Variants in FRMD5 observed in about 807,000 individuals in gnomAD.
FRMD5 encodes the protein FERM domain-containing protein 5.
Under a neutral mutation model 69.0 loss-of-function variants are expected in FRMD5, and 20 were observed. The observed-to-expected ratio is 0.29, with a 90% CI of 0.20 to 0.42. The LOEUF is 0.42. Ranked by LOEUF, FRMD5 falls within the 10% of genes least tolerant of loss-of-function variation. The pLI is 1.00. For synonymous variants in FRMD5, 271 were observed against 260.1 expected, an observed-to-expected ratio of 1.04 and a Z score of -0.40; for missense variants, 595 against 708.6, an observed-to-expected ratio of 0.84 and a Z score of 1.82.
At chr15:44,042,515 T>A (rs1280985264) in intron 1 of FRMD5, among the ~76,000 whole-genome samples, 1 of 152,190 alleles carries the variant, frequency 6.6e-6, no homozygotes, top group Non-Finnish European at 1.5e-5. Flanking sequence ...TGAACATCAA[T>A]GCGAAAATCC....
intron 1 of FRMD5, among the ~76,000 whole-genome samples, chr15:44,026,262 T>C (rs1041894336): frequency 1.3e-5 from 2 of 152,250 alleles, no homozygotes; most frequent in African/African-American, 2.4e-5. Context: ...ATTGCAGGCA[T>C]GAACCCCCAC....
chr15:43,989,950 G>T (rs1889590785), intron 1 of FRMD5: 3 of 1,133,704 alleles, frequency 2.6e-6, no homozygotes, highest in Non-Finnish European at 4.0e-6. Flanking sequence ...GTCGTCCCAG[G>T]TGGTGACAAT....
chr15:43,926,928 C>T (rs2089595645), intron 1 of FRMD5, among the ~76,000 whole-genome samples: 1 of 147,340 alleles, frequency 6.8e-6, no homozygotes, highest in Non-Finnish European at 1.5e-5. Flanking sequence ...ACACACCTAC[C>T]AGCGCCAGGA....
intron 1 of FRMD5, among the ~76,000 whole-genome samples, chr15:43,924,656 G>A (rs1043356711): frequency 6.6e-6 from 1 of 152,140 alleles, no homozygotes; most frequent in Non-Finnish European, 1.5e-5. Context: ...ACCAGGCCCA[G>A]CTGACTGAGC....
rs34133842 is a variant in FRMD5, at chr15:44,050,528, CTT to C, written c.103-126221_103-126220del. Among the ~76,000 whole-genome samples, 268 of 93,742 alleles carry C rather than the reference CTT, an allele frequency of 2.9e-3. 1 individual carries two copies. The highest frequency in any genetic ancestry group is 0.011 in the South Asian group (26 of 2,330). The allele number at this position is 93,742 out of a possible 152,430, so 61.5% of individuals were successfully genotyped here. A position where few individuals can be genotyped will look rare whatever the true frequency, so the allele number is the denominator to read the frequency against. ...GGCACATGCCACCATGCCTGGCTCCCTTTTTTTTTTTTTTTTTTTTTGGTAGA... is the reference window on the plus strand; with the variant it reads ...GGCACATGCCACCATGCCTGGCTCCCTTTTTTTTTTTTTTTTTTTGGTAGA... On this transcript the variant is annotated intron_variant, in intron 1 of 13. Coordinates refer to ENST00000417257, the MANE Select transcript of FRMD5 (RefSeq NM_032892.5).
intron 1 of FRMD5, chr15:44,063,462 T>C (rs1893177776): frequency 4.6e-6 from 1 of 215,748 alleles, no homozygotes. Context: ...CTCCTCCCGT[T>C]TGACAACAGC....
intron 1 of FRMD5, among the ~76,000 whole-genome samples, chr15:44,048,286 T>C (rs1002611994): frequency 6.6e-6 from 1 of 152,162 alleles, no homozygotes. Context: ...CTCACTGTCG[T>C]TTTGATTTTA....
Position 43,946,306 on chromosome 15 carries a change from T to G in FRMD5, c.103-21997A>C, listed in dbSNP as rs114441271. Among the ~76,000 whole-genome samples, 699 of 152,326 alleles carry G rather than the reference T, an allele frequency of 4.6e-3. 9 individuals are homozygous for G. Among genetic ancestry groups the G allele is most frequent in the African/African-American group, 0.016 (677 of 41,578 alleles). ...CTCAGTGTGTATGTGTGTGCGTGTA[T>G]AGCATGACTGTAAATACTTATAAGT... On this transcript the variant is annotated intron_variant, in intron 1 of 13. Transcript: ENST00000417257.
intron 1 of FRMD5, among the ~76,000 whole-genome samples, chr15:43,931,373 CTCTG>C (rs2140465207): frequency 6.6e-6 from 1 of 152,168 alleles, no homozygotes; most frequent in Non-Finnish European, 1.5e-5. Context: ...TTTCTCTATT[CTCTG>C]TCTCTCTCTC....
chr15:43,879,719 T>G, intron 13 of FRMD5: 2 of 398,354 alleles, frequency 5.0e-6, no homozygotes, highest in Non-Finnish European at 4.4e-6. Context: ...AGCTGATCTC[T>G]TCAGAGAAAC....
chr15:43,941,956 G>A (rs1465255905), intron 1 of FRMD5, among the ~76,000 whole-genome samples: 1 of 152,136 alleles, frequency 6.6e-6, no homozygotes, highest in East Asian at 1.9e-4. Flanking sequence ...GAGAATTACT[G>A]ATGCTCATAT....
At chr15:43,880,369 C>T (rs995147106) in intron 13 of FRMD5, among the ~76,000 whole-genome samples, 1 of 152,140 alleles carries the variant, frequency 6.6e-6, no homozygotes, top group African/African-American at 2.4e-5. Context: ...CGCAGCCCCT[C>T]CCTCCCTGGT....
chr15:43,993,967 C>T (rs1595599218), intron 1 of FRMD5, among the ~76,000 whole-genome samples: 2 of 152,236 alleles, frequency 1.3e-5, no homozygotes, highest in Admixed American at 1.3e-4. Context: ...CTATGTGTGT[C>T]CTTAATGGTG....
chr15:43,924,236 C>A lies in FRMD5; in HGVS notation c.176G>T (p.Gly59Val). The A allele has an allele frequency of 6.2e-7, 1 of 1,614,058 alleles. No homozygotes were observed. The highest frequency in any genetic ancestry group is 8.5e-7 in the Non-Finnish European group (1 of 1,179,982). ...CTTATCTGGGTCTACAAAGCGGATA[C>A]CAAAATAGTCTTTCTCAAGTAGGTT... ...HLNLLEKDYF[G>V]IRFVDPDKQR... Residue 59 changes from glycine to valine, a missense_variant, in exon 2 of 14, where the codon GGT (glycine) becomes GTT (valine). Transcript: ENST00000417257.
intron 1 of FRMD5, among the ~76,000 whole-genome samples, chr15:44,155,676 C>G (rs573805144): frequency 6.6e-6 from 1 of 151,940 alleles, no homozygotes; most frequent in Non-Finnish European, 1.5e-5. Flanking sequence ...TCACTGCAAC[C>G]TCCACCTCCC....
intron 1 of FRMD5, among the ~76,000 whole-genome samples, chr15:43,961,604 A>C (rs1340119144): frequency 1.3e-5 from 2 of 152,220 alleles, no homozygotes; most frequent in Admixed American, 1.3e-4. Context: ...ACAACAAAAA[A>C]AGAGAATTTT....
At chr15:44,026,844 A>C (rs1377016017) in intron 1 of FRMD5, among the ~76,000 whole-genome samples, 35 of 152,224 alleles carry the variant, frequency 2.3e-4, no homozygotes, top group Non-Finnish European at 8.8e-5. Context: ...CCATGTGTGC[A>C]CAGATTAGCT....
At chr15:43,875,390 A>ATATATATATATATATG (rs1385798025) in intron 13 of FRMD5, among the ~76,000 whole-genome samples, 22 of 124,774 alleles carry the variant, frequency 1.8e-4, no homozygotes, top group South Asian at 5.1e-4. Flanking sequence ...ATATATATAT[A>ATATATATATATATATG]TATGTATGTA....
intron 1 of FRMD5, among the ~76,000 whole-genome samples, chr15:43,949,722 G>C (rs1016390647): frequency 3.9e-5 from 6 of 152,072 alleles, no homozygotes; most frequent in Non-Finnish European, 7.4e-5. Context: ...AGTCCAATTA[G>C]GCAATGATTG....
Sources: allele counts gnomAD v4.1 joint callset (sites outside exome capture counted in the v4.1 genomes callset), GRCh38; gene constraint gnomAD v4.1.1; transcripts MANE v1.5; gene names NCBI Gene and HGNC (gene_info 2026-07-23, HGNC 2026-07-21).